OR51A2: variants seen among roughly 807,000 people sequenced by gnomAD.
OR51A2 encodes the protein olfactory receptor 51A2.
For synonymous variants in OR51A2, 55 were observed against 139.1 expected, an observed-to-expected ratio of 0.40 and a Z score of 4.25; for missense variants, 111 against 365.9, an observed-to-expected ratio of 0.30 and a Z score of 5.68.
chr11:4,954,943 G>T lies in OR51A2; in HGVS notation c.771C>A (p.Ile257=). The change falls in exon 1 of 1, where the codon ATC becomes ATA. Residue 257 remains isoleucine (I), a synonymous_variant. Coordinates refer to ENST00000380371, the MANE Select transcript of OR51A2 (RefSeq NM_001004748.1). ...CAAAGCGGTGGACAACGGCCAGGTT[G>T]ATGATGGGCAGGTAGAAGATGATCA... ...CAVIIFYLPI[I]NLAVVHRFAG... 3 of 1,252,548 alleles carry T rather than the reference G, an allele frequency of 2.4e-6. No homozygotes were observed. The highest frequency in any genetic ancestry group is 2.6e-5 in the East Asian group (1 of 37,750). The allele number at this position is 1,252,548 out of a possible 1,614,324, so 77.6% of individuals were successfully genotyped here. A position where few individuals can be genotyped will look rare whatever the true frequency, so the allele number is the denominator to read the frequency against.
In OR51A2 at chr11:4,955,692, A is replaced by G. The variant is rs201735173; in HGVS notation, c.22T>C (p.Tyr8His). The change falls in exon 1 of 1, where the codon TAT (tyrosine) becomes CAT (histidine). Residue 8 changes from tyrosine (Y) to histidine (H), a missense_variant. Transcript: ENST00000380371. ...AAGAAGAAGGTGGTGATTTCAACATATGATGTGTTGATAATGGACATGATT... is the reference window on the plus strand; with the variant it reads ...AAGAAGAAGGTGGTGATTTCAACATGTGATGTGTTGATAATGGACATGATT... Reference protein sequence around the residue: MSIINTSYVEITTFFLVG... With the variant: MSIINTSHVEITTFFLVG... The G allele has an allele frequency of 4.9e-5, 75 of 1,542,466 alleles. 1 individual carries two copies. The Admixed American group carries it at 1.3e-3, about 27-fold the overall frequency.
rs61744535 is a variant in OR51A2, at chr11:4,954,923, C to G, written c.791G>C (p.Arg264Pro). Residue 264 changes from arginine (R) to proline (P), a missense_variant, in exon 1 of 1, where the codon CGC becomes CCC. Arg to Pro is a moderately radical substitution (Grantham distance 103). Coordinates refer to ENST00000380371, the MANE Select transcript of OR51A2 (RefSeq NM_001004748.1). ...GAGGGGAGAGACATGCCCGGCAAAG[C>G]GGTGGACAACGGCCAGGTTGATGAT... ...LPIINLAVVH[R>P]FAGHVSPLIN... is the part of the protein sequence containing the mutation. The G allele has an allele frequency of 2.0e-4, 235 of 1,176,860 alleles. 15 individuals are homozygous for G. Among genetic ancestry groups the G allele is most frequent in the Non-Finnish European group, 2.7e-4 (221 of 827,232 alleles). The allele number at this position is 1,176,860 out of a possible 1,614,324, so 72.9% of individuals were successfully genotyped here.
chr11:4,955,324 A>G lies in OR51A2; in HGVS notation c.390T>C (p.Asn130=), dbSNP rs2595986. ...TCAGGATTGAGGTGTATCTCAGAGG[A>G]TTGTGGATGGCTAGGAATCTATCAA... ...MSFDRFLAIH[N]PLRYTSILTT... Residue 130 remains asparagine (N), a synonymous_variant, in exon 1 of 1, where the codon AAT becomes AAC. Coordinates refer to ENST00000380371, the MANE Select transcript of OR51A2 (RefSeq NM_001004748.1). 419,296 of 947,994 alleles carry G rather than the reference A, an allele frequency of 0.44. 179,380 individuals carry two copies. The highest frequency in any genetic ancestry group is 0.84 in the East Asian group (26,406 of 31,548). The allele number at this position is 947,994 out of a possible 1,614,324, so 58.7% of individuals were successfully genotyped here.
rs374259724 is a variant in OR51A2 at position 4,955,641 on chromosome 11, C to T, written c.73G>A (p.Ala25Thr). Reference protein sequence around the residue: ...FLVGMPGLEYAHIWISIPICS... With the variant: ...FLVGMPGLEYTHIWISIPICS... ...ATGGGGATAGAGATCCAGATGTGTG[C>T]ATATTCTAGCCCTGGCATCCCAACC... Residue 25 changes from alanine (A) to threonine (T), a missense_variant, in exon 1 of 1, where the codon GCA becomes ACA. Coordinates refer to ENST00000380371, the MANE Select transcript of OR51A2 (RefSeq NM_001004748.1). The T allele has an allele frequency of 7.4e-5, 112 of 1,517,756 alleles. 2 individuals carry two copies. The highest frequency in any genetic ancestry group is 9.5e-5 in the Non-Finnish European group (105 of 1,104,308). The allele number at this position is 1,517,756 out of a possible 1,614,324, so 94.0% of individuals were successfully genotyped here. A position where few individuals can be genotyped will look rare whatever the true frequency, so the allele number is the denominator to read the frequency against.
chr11:4,955,348 A>C lies in OR51A2; in HGVS notation c.366T>G (p.Phe122Leu). ...LESSVLLIMS[F>L]DRFLAIHNPL... ...GATTGTGGATGGCTAGGAATCTATC[A>C]AATGACATGATCAGGAGGACTGAGG... is the stretch of plus-strand genomic sequence containing the variant. The change falls in exon 1 of 1, where the codon TTT becomes TTG. Residue 122 changes from phenylalanine (F) to leucine (L), a missense_variant. Physicochemically the swap from Phe to Leu is conservative, Grantham distance 22. Transcript: ENST00000380371. 8.5e-7 allele frequency: 1 copy of C among 1,176,194 alleles called. No homozygotes were observed. Among genetic ancestry groups the C allele is most frequent in the Non-Finnish European group, 1.2e-6 (1 of 834,930 alleles). The allele number at this position is 1,176,194 out of a possible 1,614,324, so 72.9% of individuals were successfully genotyped here. A position where few individuals can be genotyped will look rare whatever the true frequency, so the allele number is the denominator to read the frequency against.
rs2570571 is a variant in OR51A2 at position 4,955,011 on chromosome 11, C to T, written c.703G>A (p.Glu235Lys). The change falls in exon 1 of 1, where the codon GAG becomes AAG. Residue 235 changes from glutamate (E) to lysine (K), a missense_variant. Physicochemically the swap from Glu to Lys is moderately conservative, Grantham distance 56 (BLOSUM62 1). Coordinates refer to ENST00000380371, the MANE Select transcript of OR51A2 (RefSeq NM_001004748.1). ...ACACAAGTATTGAGAGCCTTAAGCT[C>T]CTCCTTTTTGGATGCAATTCCCGGT... The part of the protein sequence containing the change: ...TVPGIASKKE[E>K]LKALNTCVSH... 2.0e-5 allele frequency: 27 copies of T among 1,326,750 alleles called. 6 individuals are homozygous for T. Among genetic ancestry groups the T allele is most frequent in the South Asian group, 7.2e-5 (6 of 82,892 alleles). 82.2% of individuals were successfully genotyped at this position (1,326,750 alleles called of 1,614,324 possible). A position where few individuals can be genotyped will look rare whatever the true frequency, so the allele number is the denominator to read the frequency against.
chr11:4,955,693 T>C lies in OR51A2; in HGVS notation c.21A>G (p.Ser7=), dbSNP rs1479380823. The C allele has an allele frequency of 5.2e-6, 8 of 1,540,784 alleles. No individual in the cohort carries two copies. The highest frequency in any genetic ancestry group is 6.2e-6 in the Non-Finnish European group (7 of 1,128,804). MSIINT[S]YVEITTFFLV... Reference sequence around the variant, plus strand: ...AGAAGAAGGTGGTGATTTCAACATATGATGTGTTGATAATGGACATGATTC... The same window carrying C: ...AGAAGAAGGTGGTGATTTCAACATACGATGTGTTGATAATGGACATGATTC... The change falls in exon 1 of 1, where the codon TCA becomes TCG. Residue 7 remains serine (S), a synonymous_variant. Transcript: ENST00000380371.
rs1207081271 is a variant in OR51A2, at chr11:4,955,015, C to G, written c.699G>C (p.Lys233Asn). 7.1e-7 allele frequency: 1 copy of G among 1,405,094 alleles called. No homozygotes were observed. 87.0% of individuals were successfully genotyped at this position (1,405,094 alleles called of 1,614,324 possible). A position where few individuals can be genotyped will look rare whatever the true frequency, so the allele number is the denominator to read the frequency against. ...LKTVPGIASK[K>N]EELKALNTCV... ...AAGTATTGAGAGCCTTAAGCTCCTC[C>G]TTTTTGGATGCAATTCCCGGTACAG... Residue 233 changes from lysine to asparagine, a missense_variant, in exon 1 of 1, where the codon AAG (lysine) becomes AAC (asparagine). By Grantham distance (94) the Lys-to-Asn change is moderately conservative. Transcript: ENST00000380371.
Position 4,955,598 on chromosome 11 carries a change from A to G in OR51A2, c.116T>C (p.Ile39Thr). 1.4e-6 allele frequency: 2 copies of G among 1,440,370 alleles called. No homozygotes were observed. Among genetic ancestry groups the G allele is most frequent in the Admixed American group, 1.8e-5 (1 of 55,400 alleles). The allele number at this position is 1,440,370 out of a possible 1,614,324, so 89.2% of individuals were successfully genotyped here. A position where few individuals can be genotyped will look rare whatever the true frequency, so the allele number is the denominator to read the frequency against. Residue 39 changes from isoleucine (I) to threonine (T), a missense_variant, in exon 1 of 1, where the codon ATT becomes ACT. Coordinates refer to ENST00000380371, the MANE Select transcript of OR51A2 (RefSeq NM_001004748.1). ...AATGGTGCCATTTCCTAGAATAGCA[A>G]TAAGATACATGCTGCAGATGGGGAT... The part of the protein sequence containing the change: ...ISIPICSMYL[I>T]AILGNGTILF...
Position 4,955,132 on chromosome 11 carries a change from G to C in OR51A2, c.582C>G (p.Asn194Lys), listed in dbSNP as rs1212565682. Reference sequence around the variant, plus strand: ...AAAAGCCATAGATAACATCAATTCTGTTGTCAGAACAGGCCAACTTCATGA... The same window carrying C: ...AAAAGCCATAGATAACATCAATTCTCTTGTCAGAACAGGCCAACTTCATGA... ...QDVMKLACSD[N>K]RIDVIYGFFG... The change falls in exon 1 of 1, where the codon AAC becomes AAG. Residue 194 changes from asparagine to lysine, a missense_variant. Asn to Lys is a moderately conservative substitution (Grantham distance 94). Transcript: ENST00000380371. 2.9e-6 allele frequency: 4 copies of C among 1,369,020 alleles called. 1 individual carries two copies. The African/African-American group carries it at 6.1e-5, about 21-fold the overall frequency. 84.8% of individuals were successfully genotyped at this position (1,369,020 alleles called of 1,614,324 possible).
Position 4,955,457 on chromosome 11 carries a change from A to T in OR51A2, c.257T>A (p.Ile86Asn). 8.3e-7 allele frequency: 1 copy of T among 1,207,996 alleles called. No homozygotes were observed. Among genetic ancestry groups the T allele is most frequent in the Non-Finnish European group, 1.1e-6 (1 of 870,720 alleles). The allele number at this position is 1,207,996 out of a possible 1,614,324, so 74.8% of individuals were successfully genotyped here. The change falls in exon 1 of 1, where the codon ATC becomes AAC. Residue 86 changes from isoleucine to asparagine, a missense_variant. Coordinates refer to ENST00000380371, the MANE Select transcript of OR51A2 (RefSeq NM_001004748.1). ...AGTTTCAGGGGCATTGAACAGGAAGATGCTTAACACAGTGGGCAGAGATGA... is the reference window on the plus strand; with the variant it reads ...AGTTTCAGGGGCATTGAACAGGAAGTTGCTTAACACAGTGGGCAGAGATGA... ...SLSSLPTVLSIFLFNAPETSS... is the reference protein window; with the variant it reads ...SLSSLPTVLSNFLFNAPETSS...
Position 4,955,705 on chromosome 11 carries a change from A to G in OR51A2, c.9T>C (p.Ile3=), listed in dbSNP as rs78255170. 935 of 1,558,010 alleles carry G rather than the reference A, an allele frequency of 6.0e-4. 5 individuals carry two copies. In the African/African-American group the frequency reaches 7.4e-3, roughly 12 times the overall value. Residue 3 remains isoleucine (I), a synonymous_variant, in exon 1 of 1, where the codon ATT becomes ATC. Coordinates refer to ENST00000380371, the MANE Select transcript of OR51A2 (RefSeq NM_001004748.1). ...TGATTTCAACATATGATGTGTTGATAATGGACATGATTCATTCATAGGGCT... is the reference window on the plus strand; with the variant it reads ...TGATTTCAACATATGATGTGTTGATGATGGACATGATTCATTCATAGGGCT... MS[I]INTSYVEITT...
chr11:4,954,944 A>T lies in OR51A2; in HGVS notation c.770T>A (p.Ile257Asn), dbSNP rs778929241. ...AAAGCGGTGGACAACGGCCAGGTTG[A>T]TGATGGGCAGGTAGAAGATGATCAC... The part of the protein sequence containing the change: ...CAVIIFYLPI[I>N]NLAVVHRFAG... The change falls in exon 1 of 1, where the codon ATC becomes AAC. Residue 257 changes from isoleucine to asparagine, a missense_variant. Transcript: ENST00000380371. 3 of 1,257,666 alleles carry T rather than the reference A, an allele frequency of 2.4e-6. No individual in the cohort carries two copies. The South Asian group carries it at 3.6e-5, about 15-fold the overall frequency. 77.9% of individuals were successfully genotyped at this position (1,257,666 alleles called of 1,614,324 possible).
At position 4,955,647 on chromosome 11, in the gene OR51A2, C is replaced by G; in HGVS notation, c.67G>C (p.Glu23Gln). ...ATAGAGATCCAGATGTGTGCATATT[C>G]TAGCCCTGGCATCCCAACCAAGAAG... ...TFFLVGMPGL[E>Q]YAHIWISIPI... is the part of the protein sequence containing the mutation. The change falls in exon 1 of 1, where the codon GAA (glutamate) becomes CAA (glutamine). Residue 23 changes from glutamate to glutamine, a missense_variant. Transcript: ENST00000380371. The G allele has an allele frequency of 6.5e-7, 1 of 1,528,154 alleles. No homozygotes were observed. Among genetic ancestry groups the G allele is most frequent in the Non-Finnish European group, 9.0e-7 (1 of 1,115,876 alleles). 94.7% of individuals were successfully genotyped at this position (1,528,154 alleles called of 1,614,324 possible).
chr11:4,955,540 A>G lies in OR51A2; in HGVS notation c.174T>C (p.His58=), dbSNP rs746632837. Reference sequence around the variant, plus strand: ...TGGAAAGAAAATAGTACATGGGCCCATGCAAGGAGGGCTCTGTCTTGATGA... The same window carrying G: ...TGGAAAGAAAATAGTACATGGGCCCGTGCAAGGAGGGCTCTGTCTTGATGA... The part of the protein sequence containing the change: ...LFIIKTEPSL[H]GPMYYFLSML... Residue 58 remains histidine, a synonymous_variant, in exon 1 of 1, where the codon CAT becomes CAC. Transcript: ENST00000380371. The G allele has an allele frequency of 9.0e-5, 121 of 1,339,180 alleles. 14 individuals carry two copies. In the South Asian group the frequency reaches 1.3e-3, roughly 15 times the overall value. The allele number at this position is 1,339,180 out of a possible 1,614,324, so 83.0% of individuals were successfully genotyped here.
At position 4,955,200 on chromosome 11, in the gene OR51A2, T is replaced by G. The variant is rs140406262; in HGVS notation, c.514A>C (p.Lys172Gln). 356 of 1,285,676 alleles carry G rather than the reference T, an allele frequency of 2.8e-4. 25 individuals carry two copies. The African/African-American group carries it at 4.1e-3, about 15-fold the overall frequency. 79.6% of individuals were successfully genotyped at this position (1,285,676 alleles called of 1,614,324 possible). The change falls in exon 1 of 1, where the codon AAG becomes CAG. Residue 172 changes from lysine (K) to glutamine (Q), a missense_variant. Lys to Gln is a moderately conservative substitution (Grantham distance 53, BLOSUM62 1). Transcript: ENST00000380371. ...PFTLRSLRYC[K>Q]KNQLSHSYCL... ...TAGGAATGGGATAATTGGTTTTTCT[T>G]GCAATATCTCAAGCTTCTTAAAGTG...
rs148780185 is a variant in OR51A2, at chr11:4,955,312, G to A, written c.402C>T (p.Tyr134=). 7.7e-6 allele frequency: 9 copies of A among 1,162,496 alleles called. 3 individuals are homozygous for A. The African/African-American group carries it at 1.2e-4, about 15-fold the overall frequency. 72.0% of individuals were successfully genotyped at this position (1,162,496 alleles called of 1,614,324 possible). The part of the protein sequence containing the change: ...RFLAIHNPLR[Y]TSILTTVRVA... ...CTCTGACAGTTGTCAGGATTGAGGT[G>A]TATCTCAGAGGATTGTGGATGGCTA... The change falls in exon 1 of 1, where the codon TAC becomes TAT. Residue 134 remains tyrosine, a synonymous_variant. Coordinates refer to ENST00000380371, the MANE Select transcript of OR51A2 (RefSeq NM_001004748.1).
In OR51A2 at chr11:4,955,543, C is replaced by A. The variant is rs2133614927; in HGVS notation, c.171G>T (p.Leu57Phe). 1 of 1,346,000 alleles carries A rather than the reference C, an allele frequency of 7.4e-7. No individual in the cohort carries two copies. The highest frequency in any genetic ancestry group is 1.9e-5 in the Admixed American group (1 of 51,770). 83.4% of individuals were successfully genotyped at this position (1,346,000 alleles called of 1,614,324 possible). Residue 57 changes from leucine (L) to phenylalanine (F), a missense_variant, in exon 1 of 1, where the codon TTG becomes TTT. By Grantham distance (22) the Leu-to-Phe change is conservative. Transcript: ENST00000380371. ...ILFIIKTEPS[L>F]HGPMYYFLSM... ...AAAGAAAATAGTACATGGGCCCATG[C>A]AAGGAGGGCTCTGTCTTGATGATAA...
Position 4,955,468 on chromosome 11 carries a change from A to C in OR51A2, c.246T>G (p.Thr82=). The C allele has an allele frequency of 1.6e-6, 2 of 1,261,602 alleles. No individual in the cohort carries two copies. Among genetic ancestry groups the C allele is most frequent in the Non-Finnish European group, 2.2e-6 (2 of 903,804 alleles). The allele number at this position is 1,261,602 out of a possible 1,614,324, so 78.2% of individuals were successfully genotyped here. A position where few individuals can be genotyped will look rare whatever the true frequency, so the allele number is the denominator to read the frequency against. ...DLGLSLSSLP[T]VLSIFLFNAP... Reference sequence around the variant, plus strand: ...CATTGAACAGGAAGATGCTTAACACAGTGGGCAGAGATGATAAAGACAAAC... The same window carrying C: ...CATTGAACAGGAAGATGCTTAACACCGTGGGCAGAGATGATAAAGACAAAC... The change falls in exon 1 of 1, where the codon ACT becomes ACG. Residue 82 remains threonine, a synonymous_variant. Coordinates refer to ENST00000380371, the MANE Select transcript of OR51A2 (RefSeq NM_001004748.1).
Sources: gnomAD v4.1 joint callset for allele counts on GRCh38, gnomAD v4.1.1 for gene constraint, MANE v1.5 for transcripts, NCBI Gene and HGNC (gene_info 2026-07-23, HGNC 2026-07-21) for gene names.